USO1: variants seen among roughly 807,000 people sequenced by gnomAD.
USO1 encodes general vesicular transport factor p115.
A neutral mutation model predicts 124.5 loss-of-function variants in USO1; 57 were observed. That is an observed-to-expected ratio of 0.46 (90% confidence interval 0.37 to 0.57). The LOEUF is 0.57. Among genes scored for constraint, USO1 ranks in the 20% least tolerant of loss-of-function variants. USO1 has a pLI of 0.00. For synonymous variants in USO1, 369 were observed against 362.8 expected (o/e 1.02, Z -0.19); for missense variants, 900 against 1,040.6 (o/e 0.86, Z 1.86).
At chr4:75,796,685 C>T (rs1448477854) in intron 13 of USO1, among the ~76,000 whole-genome samples, 1 of 151,910 alleles carries the variant, frequency 6.6e-6, no homozygotes, top group African/African-American at 2.4e-5. Flanking sequence ...CGTGTAAAAT[C>T]TGTGGTTTAT....
intron 1 of USO1, 134 bp downstream of exon 1, chr4:75,725,019 C>G (rs926355900): frequency 1.2e-6 from 1 of 854,688 alleles, no homozygotes; most frequent in Non-Finnish European, 1.8e-6. Context: ...CCCCTTTGCC[C>G]TCCTTCCGCT....
At chr4:75,767,647 G>A (rs1049804463) in intron 4 of USO1, 2 of 284,218 alleles carry the variant, frequency 7.0e-6, no homozygotes, top group African/African-American at 4.6e-5. Context: ...GGGAGGCTGA[G>A]GCGAGCGGAT....
intron 22 of USO1, among the ~76,000 whole-genome samples, chr4:75,811,476 T>G (rs1723147462): frequency 6.6e-6 from 1 of 152,106 alleles, no homozygotes; most frequent in Non-Finnish European, 1.5e-5. Flanking sequence ...CTTTTTAAGA[T>G]CAACATCTAA....
Position 75,724,936 on chromosome 4 carries a change from G to T in USO1, c.66+51G>T, listed in dbSNP as rs779551310. On this transcript the variant is annotated intron_variant, in intron 1 of 23. Coordinates refer to ENST00000514213, the MANE Select transcript of USO1 (RefSeq NM_003715.4). ...TTGGGAAGGGGTCCGGGCAGGGACG[G>T]GGACGGAGCACTCGGAGACCCGAAG... 3 of 1,600,512 alleles carry T rather than the reference G, an allele frequency of 1.9e-6. No homozygotes were observed. In the East Asian group the frequency reaches 6.8e-5, roughly 36 times the overall value.
At chr4:75,740,873 C>T (rs969007300) in intron 1 of USO1, among the ~76,000 whole-genome samples, 1 of 152,118 alleles carries the variant, frequency 6.6e-6, no homozygotes, top group Non-Finnish European at 1.5e-5. Context: ...TCGCATCACT[C>T]GAAGTAATCT....
intron 23 of USO1, among the ~76,000 whole-genome samples, chr4:75,812,874 G>A (rs1263422806): frequency 1.3e-5 from 2 of 152,134 alleles, no homozygotes; most frequent in African/African-American, 4.8e-5. Flanking sequence ...ACTTTGGGGG[G>A]CTGAGGTGGG....
At position 75,757,542 on chromosome 4, in the gene USO1, T is replaced by C; in HGVS notation, c.264T>C (p.Asn88=). The part of the protein sequence containing the change: ...IIGYALDTLY[N]IISNEEEEEV... ...GTTATGCTTTGGACACACTATATAATATAATATCTAATGAAGAAGAAGAAG... is the reference window on the plus strand; with the variant it reads ...GTTATGCTTTGGACACACTATATAACATAATATCTAATGAAGAAGAAGAAG... Residue 88 remains asparagine, a synonymous_variant, in exon 4 of 24, where the codon AAT becomes AAC. Transcript: ENST00000514213. 1 of 1,497,324 alleles carries C rather than the reference T, an allele frequency of 6.7e-7. No homozygotes were observed. 92.8% of individuals were successfully genotyped at this position (1,497,324 alleles called of 1,614,324 possible).
intron 3 of USO1, among the ~76,000 whole-genome samples, chr4:75,754,283 A>G (rs1369693674): frequency 6.6e-6 from 1 of 150,836 alleles, no homozygotes; most frequent in Non-Finnish European, 1.5e-5. Flanking sequence ...GGGTTTCTCC[A>G]TGTTGATCAG....
chr4:75,774,552 T>C (rs1158571062), intron 7 of USO1, 124 bp from the exon 8 acceptor site: 1 of 1,139,354 alleles, frequency 8.8e-7, no homozygotes, highest in African/African-American at 1.6e-5. Context: ...TTTCCTTATG[T>C]ATAAAGTAAA....
At chr4:75,745,401 T>G (rs1187662079) in intron 1 of USO1, 1 of 507,214 alleles carries the variant, frequency 2.0e-6, no homozygotes, top group Non-Finnish European at 3.9e-6. Context: ...ACTATGTTCC[T>G]TTGTTACTAA....
chr4:75,770,423 T>G lies in USO1; in HGVS notation c.296-16T>G. On this transcript the variant is annotated splice_polypyrimidine_tract_variant and intron_variant, in intron 4 of 23. Transcript: ENST00000514213. ...CCTACTATTAAATTGAAATTCTTTA[T>G]TTTTGAATATTACAGAAGAAAATTC... 2 of 1,513,768 alleles carry G rather than the reference T, an allele frequency of 1.3e-6. No individual in the cohort carries two copies. Among genetic ancestry groups the G allele is most frequent in the Non-Finnish European group, 1.8e-6 (2 of 1,130,146 alleles). The allele number at this position is 1,513,768 out of a possible 1,614,324, so 93.8% of individuals were successfully genotyped here. A position where few individuals can be genotyped will look rare whatever the true frequency, so the allele number is the denominator to read the frequency against.
intron 4 of USO1, among the ~76,000 whole-genome samples, chr4:75,766,560 G>T (rs1296390137): frequency 6.6e-6 from 1 of 152,154 alleles, no homozygotes; most frequent in Non-Finnish European, 1.5e-5. Flanking sequence ...CAACAAAGAC[G>T]TACCTGGCCA....
chr4:75,800,884 T>C, intron 16 of USO1, 85 bp downstream of exon 16: 2 of 1,509,302 alleles, frequency 1.3e-6, no homozygotes, highest in Non-Finnish European at 1.8e-6. Flanking sequence ...ATACAGGTTA[T>C]ATGGTAACTC....
At chr4:75,739,595 C>T (rs1720898882) in intron 1 of USO1, among the ~76,000 whole-genome samples, 1 of 132,092 alleles carries the variant, frequency 7.6e-6, no homozygotes, top group Non-Finnish European at 1.5e-5. Context: ...GGGTGGAGTG[C>T]AGTGGCGTGA....
intron 1 of USO1, among the ~76,000 whole-genome samples, chr4:75,730,464 C>G (rs549549615): frequency 2.0e-5 from 3 of 150,586 alleles, no homozygotes; most frequent in African/African-American, 7.3e-5. Context: ...TTTTTTTTTC[C>G]TCTAGGGAAC....
At chr4:75,733,490 T>C (rs2149138438) in intron 1 of USO1, among the ~76,000 whole-genome samples, 1 of 152,308 alleles carries the variant, frequency 6.6e-6, no homozygotes, top group Admixed American at 6.5e-5. Flanking sequence ...TGTTTGTTTG[T>C]TTTGTCTTTT....
Position 75,803,100 on chromosome 4 carries a change from A to AC in USO1, c.1987-1031dup, listed in dbSNP as rs1553902790. On this transcript the variant is annotated intron_variant, in intron 17 of 23. Coordinates refer to ENST00000514213, the MANE Select transcript of USO1 (RefSeq NM_003715.4). ...GAAACTCTGTCTCAAAAAAAAAAAA[A>AC]CCCAAGAAAAAAAGAAAGAAAGAAA... is the stretch of plus-strand genomic sequence containing the variant. 3.8e-4 allele frequency among the ~76,000 whole-genome samples: 56 copies of AC among 148,462 alleles called. 1 individual carries two copies. Among genetic ancestry groups the AC allele is most frequent in the South Asian group, 1.3e-3 (6 of 4,700 alleles).
chr4:75,729,462 C>T (rs970637880), intron 1 of USO1, among the ~76,000 whole-genome samples: 1 of 152,082 alleles, frequency 6.6e-6, no homozygotes. Flanking sequence ...GGCTCAGTCT[C>T]CCGAGCAGCT....
In USO1 at chr4:75,757,493, C is replaced by G; in HGVS notation, c.219-4C>G. ...GTATAAGTGTAATAATTTCTTTTTT[C>G]CAGTTCAGATTCTGAAATAATAGGT... On this transcript the variant is annotated splice_region_variant and splice_polypyrimidine_tract_variant and intron_variant, in intron 3 of 23. Coordinates refer to ENST00000514213, the MANE Select transcript of USO1 (RefSeq NM_003715.4). 1 of 1,495,894 alleles carries G rather than the reference C, an allele frequency of 6.7e-7. No individual in the cohort carries two copies. The highest frequency in any genetic ancestry group is 8.9e-7 in the Non-Finnish European group (1 of 1,120,282). The allele number at this position is 1,495,894 out of a possible 1,614,324, so 92.7% of individuals were successfully genotyped here. A position where few individuals can be genotyped will look rare whatever the true frequency, so the allele number is the denominator to read the frequency against.
Sources: allele counts gnomAD v4.1 joint callset (sites outside exome capture counted in the v4.1 genomes callset), GRCh38; gene constraint gnomAD v4.1.1; transcripts MANE v1.5; gene names NCBI Gene and HGNC (gene_info 2026-07-23, HGNC 2026-07-21).